The following ASIC2 variants were observed in gnomAD, a reference collection of about 807,000 sequenced individuals.
ASIC2 encodes the protein acid-sensing ion channel 2.
In ASIC2, 25 loss-of-function variants were observed where a neutral mutation model predicts 57.3. The observed-to-expected ratio is 0.44, with a 90% CI of 0.32 to 0.61. ASIC2 has a LOEUF of 0.61. ASIC2 is among the 20% of genes least tolerant of loss of function. ASIC2 has a pLI of 0.06. For synonymous variants in ASIC2, 319 were observed against 307.5 expected (o/e 1.04, Z -0.39); for missense variants, 641 against 738.1 (o/e 0.87, Z 1.52).
intron 3 of ASIC2, among the ~76,000 whole-genome samples, chr17:33,041,458 C>T (rs967937802): frequency 2.6e-5 from 4 of 152,176 alleles, no homozygotes; most frequent in Admixed American, 2.6e-4. Flanking sequence ...GGATCTCAGA[C>T]TTTGACACAT....
At chr17:33,243,000 G>A (rs1908566467) in intron 1 of ASIC2, among the ~76,000 whole-genome samples, 1 of 152,160 alleles carries the variant, frequency 6.6e-6, no homozygotes, top group African/African-American at 2.4e-5. Flanking sequence ...CATTTCTGTT[G>A]CCGTGGCCAG....
chr17:33,462,152 C>G (rs1285216967), intron 1 of ASIC2, among the ~76,000 whole-genome samples: 2 of 152,166 alleles, frequency 1.3e-5, no homozygotes, highest in Non-Finnish European at 2.9e-5. Context: ...GCCTTCCTAG[C>G]AAAGGTGACA....
At chr17:33,476,730 C>T (rs923542548) in intron 1 of ASIC2, among the ~76,000 whole-genome samples, 2 of 151,818 alleles carry the variant, frequency 1.3e-5, no homozygotes, top group African/African-American at 4.8e-5. Flanking sequence ...GTGGGAGGCC[C>T]AGATGAAAAG....
chr17:33,218,634 G>C, intron 1 of ASIC2, among the ~76,000 whole-genome samples: 1 of 152,124 alleles, frequency 6.6e-6, no homozygotes, highest in Non-Finnish European at 1.5e-5. Flanking sequence ...TTGCCGGGGT[G>C]GGGGTGGGAG....
chr17:34,057,952 G>A (rs977519713), intron 1 of ASIC2, among the ~76,000 whole-genome samples: 2 of 151,812 alleles, frequency 1.3e-5, no homozygotes, highest in Non-Finnish European at 2.9e-5. Context: ...ACCTCCAAGA[G>A]CCCATAGTCC....
chr17:33,437,466 T>C (rs1280190522), intron 1 of ASIC2, among the ~76,000 whole-genome samples: 2 of 152,160 alleles, frequency 1.3e-5, no homozygotes, highest in Non-Finnish European at 2.9e-5. Context: ...ATATCCAGGC[T>C]GAAGAAAACA....
At chr17:33,700,939 TACAGAG>T (rs756669201) in intron 1 of ASIC2, among the ~76,000 whole-genome samples, 1 of 152,160 alleles carries the variant, frequency 6.6e-6, no homozygotes, top group Non-Finnish European at 1.5e-5. Context: ...AAAGCTGAAG[TACAGAG>T]TAGAATTGGG....
intron 1 of ASIC2, among the ~76,000 whole-genome samples, chr17:33,316,974 C>A (rs1024624297): frequency 6.6e-6 from 1 of 152,236 alleles, no homozygotes; most frequent in East Asian, 1.9e-4. Flanking sequence ...TCACGCCCTG[C>A]ACATTTCTCT....
intron 1 of ASIC2, among the ~76,000 whole-genome samples, chr17:33,286,150 TG>T (rs1391512170): frequency 6.6e-6 from 1 of 152,260 alleles, no homozygotes; most frequent in African/African-American, 2.4e-5. Context: ...GTTGCTGAAA[TG>T]ATTTCTTGCT....
intron 1 of ASIC2, among the ~76,000 whole-genome samples, chr17:33,470,320 T>A (rs779456640): frequency 2.7e-4 from 41 of 152,176 alleles, no homozygotes; most frequent in Non-Finnish European, 5.0e-4. Flanking sequence ...TGTGACCAGA[T>A]CCCTTTTAGA....
At chr17:33,345,661 G>A (rs962434833) in intron 1 of ASIC2, among the ~76,000 whole-genome samples, 7 of 152,204 alleles carry the variant, frequency 4.6e-5, no homozygotes, top group South Asian at 2.1e-4. Flanking sequence ...GAAGACAAAC[G>A]CAAATGAAAT....
chr17:33,124,169 C>G (rs545772104), intron 1 of ASIC2, among the ~76,000 whole-genome samples: 1 of 152,292 alleles, frequency 6.6e-6, no homozygotes, highest in Non-Finnish European at 1.5e-5. Context: ...TCAGCTTTTC[C>G]AGGAACTGCT....
At chr17:33,885,559 G>C (rs1419830566) in intron 1 of ASIC2, among the ~76,000 whole-genome samples, 4 of 152,050 alleles carry the variant, frequency 2.6e-5, no homozygotes, top group Admixed American at 2.6e-4. Flanking sequence ...CTTTGCAGAA[G>C]AAAAAAATGA....
chr17:33,151,391 TA>T (rs944393399), intron 1 of ASIC2, among the ~76,000 whole-genome samples: 25 of 151,880 alleles, frequency 1.6e-4, no homozygotes, highest in African/African-American at 4.8e-4. Flanking sequence ...AAAAAAAGGT[TA>T]AAAAAAGAGT....
At chr17:33,787,581 A>G (rs1911643708) in intron 1 of ASIC2, among the ~76,000 whole-genome samples, 1 of 152,194 alleles carries the variant, frequency 6.6e-6, no homozygotes. Flanking sequence ...GTGCCAAGGA[A>G]TGAAAGAAAA....
intron 1 of ASIC2, among the ~76,000 whole-genome samples, chr17:33,264,525 A>T (rs1001865887): frequency 6.6e-6 from 1 of 152,226 alleles, no homozygotes; most frequent in African/African-American, 2.4e-5. Context: ...CTTTCCTGTG[A>T]TCAGAACCAC....
intron 3 of ASIC2, among the ~76,000 whole-genome samples, chr17:33,053,610 C>A (rs1359779940): frequency 6.6e-6 from 1 of 152,160 alleles, no homozygotes; most frequent in Non-Finnish European, 1.5e-5. Context: ...ATACCCTCCT[C>A]CAATCTGACC....
intron 1 of ASIC2, among the ~76,000 whole-genome samples, chr17:33,287,223 T>C (rs915773740): frequency 2.0e-5 from 3 of 152,216 alleles, no homozygotes; most frequent in South Asian, 4.1e-4. Flanking sequence ...CAGAGGCTCA[T>C]GGAGCAAAGT....
intron 1 of ASIC2, among the ~76,000 whole-genome samples, chr17:33,126,814 T>C (rs2092324728): frequency 6.7e-6 from 1 of 149,668 alleles, no homozygotes; most frequent in Admixed American, 6.6e-5. Flanking sequence ...TTGAGACTTA[T>C]GCCACATGTC....
Sources: gnomAD v4.1 joint callset for allele counts (sites outside exome capture counted in the v4.1 genomes callset) on GRCh38, gnomAD v4.1.1 for gene constraint, MANE v1.5 for transcripts, NCBI Gene and HGNC (gene_info 2026-07-23, HGNC 2026-07-21) for gene names.